The following ARID1A variants were observed in gnomAD, a reference collection of about 807,000 sequenced individuals.
The protein encoded by ARID1A is AT-rich interaction domain 1A.
Under a neutral mutation model 212.6 loss-of-function variants are expected in ARID1A, and 20 were observed. The observed-to-expected ratio is 0.09, with a 90% CI of 0.07 to 0.14. The LOEUF (loss-of-function observed/expected upper bound fraction) is 0.14, where lower values mean the gene tolerates loss of function less well. ARID1A is among the 10% of genes least tolerant of loss of function. The probability of loss-of-function intolerance (pLI) is 1.00; values close to 1 mark genes in which losing one functional copy is unlikely to be tolerated. For synonymous variants in ARID1A, 1,376 were observed against 1,222.1 expected, an observed-to-expected ratio of 1.13 and a Z score of -2.63; for missense variants, 2,587 against 3,059.0, an observed-to-expected ratio of 0.85 and a Z score of 3.64.
intron 19 of ARID1A, among the ~76,000 whole-genome samples, chr1:26,776,276 ATTCTTTTTT>A (rs2081134731): frequency 6.8e-6 from 1 of 147,452 alleles, no homozygotes; most frequent in Non-Finnish European, 1.5e-5. Flanking sequence ...GTTTAACAAT[ATTCTTTTTT>A]TTTTTTTTTT....
At chr1:26,770,962 C>T (rs1474601312) in intron 11 of ARID1A, 157 bp from the exon 12 acceptor site, 1 of 656,154 alleles carries the variant, frequency 1.5e-6, no homozygotes, top group African/African-American at 1.8e-5. Context: ...TTTAACACTT[C>T]TTGTGGACTA....
At chr1:26,705,609 A>T (rs1435373082) in intron 1 of ARID1A, among the ~76,000 whole-genome samples, 1 of 152,122 alleles carries the variant, frequency 6.6e-6, no homozygotes, top group African/African-American at 2.4e-5. Flanking sequence ...ACCATAGTTA[A>T]CCTCCTATGG....
chr1:26,726,144 C>T (rs545227876), intron 1 of ARID1A, among the ~76,000 whole-genome samples: 8 of 150,620 alleles, frequency 5.3e-5, no homozygotes, highest in African/African-American at 1.9e-4. Flanking sequence ...GCATGAGTCA[C>T]TGCGCCCAGC....
rs1189316316 is a variant in ARID1A at position 26,781,370 on chromosome 1, GTAA to G, written c.*622_*624del. On this transcript the variant is annotated 3_prime_UTR_variant, in exon 20 of 20. Coordinates refer to ENST00000324856, the MANE Select transcript of ARID1A (RefSeq NM_006015.6). Reference sequence around the variant, plus strand: ...GTACACCTGATACTGTAAACATACTGTAATAATAATGTCTCACATGGAAACAGA... The same window carrying G: ...GTACACCTGATACTGTAAACATACTGTAATAATGTCTCACATGGAAACAGA... 1.7e-5 allele frequency: 4 copies of G among 232,156 alleles called. No homozygotes were observed. The highest frequency in any genetic ancestry group is 5.7e-5 in the Admixed American group (1 of 17,692). The allele number at this position is 232,156 out of a possible 1,614,324, so 14.4% of individuals were successfully genotyped here.
intron 19 of ARID1A, among the ~76,000 whole-genome samples, chr1:26,777,647 T>C (rs2081148948): frequency 6.6e-6 from 1 of 152,152 alleles, no homozygotes; most frequent in Non-Finnish European, 1.5e-5. Context: ...GTGTTGGGAT[T>C]ACTGGCTGGG....
intron 19 of ARID1A, chr1:26,778,205 A>C (rs945560140): frequency 3.9e-5 from 6 of 152,066 alleles, no homozygotes; most frequent in Non-Finnish European, 7.3e-5. Context: ...CGGAGGCTGC[A>C]GCCAACTGAG....
rs746893291 is a variant in ARID1A at position 26,779,122 on chromosome 1, A to G, written c.5224A>G (p.Arg1742Gly). Reference sequence around the variant, plus strand: ...GTATGAGGTGGGTGACCCAGGACAGAGAACGCTACTGGATCCTGGGAGGTT... The same window carrying G: ...GTATGAGGTGGGTGACCCAGGACAGGGAACGCTACTGGATCCTGGGAGGTT... ...KEYEVGDPGQ[R>G]TLLDPGRFSK... is the part of the protein sequence containing the mutation. Residue 1742 changes from arginine to glycine, a missense_variant, in exon 20 of 20, where the codon AGA (arginine) becomes GGA (glycine). Coordinates refer to ENST00000324856, the MANE Select transcript of ARID1A (RefSeq NM_006015.6). 1 of 1,567,722 alleles carries G rather than the reference A, an allele frequency of 6.4e-7. No individual in the cohort carries two copies. The highest frequency in any genetic ancestry group is 2.3e-5 in the East Asian group (1 of 44,380).
Position 26,780,511 on chromosome 1 carries a change from G to A in ARID1A, c.6613G>A (p.Ala2205Thr), listed in dbSNP as rs141992367. The A allele has an allele frequency of 2.3e-5, 37 of 1,614,038 alleles. No individual in the cohort carries two copies. The highest frequency in any genetic ancestry group is 4.0e-5 in the African/African-American group (3 of 74,920). The change falls in exon 20 of 20, where the codon GCC (alanine) becomes ACC (threonine). Residue 2205 changes from alanine to threonine, a missense_variant. This residue lies in a region of ARID1A where 168 missense variants were observed against 321.0 expected (regional missense o/e 0.52). Transcript: ENST00000324856. This position sits in a 1 kb window ranked among gnomAD's most constrained non-coding sequence, Gnocchi z 7.2. ...LLGFLEDSLA[A>T]TQFQQSQASL... ...GGGCTTCCTAGAGGACAGCCTTGCC[G>A]CCACACAGTTCCAGCAGAGCCAGGC... is the stretch of plus-strand genomic sequence containing the variant.
At chr1:26,747,580 C>T (rs1424595072) in intron 4 of ARID1A, among the ~76,000 whole-genome samples, 1 of 151,784 alleles carries the variant, frequency 6.6e-6, no homozygotes, top group Non-Finnish European at 1.5e-5. Context: ...TGGTGGCTTA[C>T]ACCTGTAATC....
chr1:26,738,285 G>A (rs1207189756), intron 4 of ARID1A, among the ~76,000 whole-genome samples: 4 of 151,780 alleles, frequency 2.6e-5, no homozygotes, highest in Admixed American at 1.3e-4. Context: ...GGCCTCCCAA[G>A]GTGCTGGGAT....
chr1:26,723,395 G>A (rs2080583797), intron 1 of ARID1A, among the ~76,000 whole-genome samples: 1 of 152,212 alleles, frequency 6.6e-6, no homozygotes, highest in African/African-American at 2.4e-5. Flanking sequence ...TGGAATCACA[G>A]GAAGCGGAGG....
rs79066395 is a variant in ARID1A, at chr1:26,752,543, C to T, written c.1921-8313C>T. Among the ~76,000 whole-genome samples, 18 of 152,314 alleles carry T rather than the reference C, an allele frequency of 1.2e-4. No individual in the cohort carries two copies. The East Asian group carries it at 3.5e-3, about 29-fold the overall frequency. On this transcript the variant is annotated intron_variant, in intron 4 of 19. Transcript: ENST00000324856. ...AGGTTTTATGAAAAGCCAAGTCTCC[C>T]AAAAACTTATTTGCCTTAAGTAATT...
chr1:26,761,875 C>G (rs558304857), intron 6 of ARID1A, among the ~76,000 whole-genome samples: 1 of 152,040 alleles, frequency 6.6e-6, no homozygotes, highest in Non-Finnish European at 1.5e-5. Context: ...ACTCAATGTT[C>G]GGTCTTCACT....
At chr1:26,744,939 A>G (rs981888251) in intron 4 of ARID1A, among the ~76,000 whole-genome samples, 2 of 151,994 alleles carry the variant, frequency 1.3e-5, no homozygotes, top group African/African-American at 4.8e-5. Context: ...TAAAGGCCTA[A>G]GGCTCCCCCC....
intron 4 of ARID1A, among the ~76,000 whole-genome samples, chr1:26,738,126 C>T (rs900947413): frequency 2.6e-5 from 4 of 151,626 alleles, no homozygotes; most frequent in Non-Finnish European, 4.4e-5. Flanking sequence ...CGGGTTCAAA[C>T]GATTCTCCTG....
intron 4 of ARID1A, among the ~76,000 whole-genome samples, chr1:26,760,183 C>G (rs1041974894): frequency 1.3e-5 from 2 of 152,132 alleles, no homozygotes; most frequent in African/African-American, 4.8e-5. Flanking sequence ...GAAGTTATGA[C>G]TGGGAAAGAA....
At chr1:26,730,963 A>G (rs185809503) in intron 2 of ARID1A, among the ~76,000 whole-genome samples, 189 bp from the exon 3 acceptor site, 6 of 152,278 alleles carry the variant, frequency 3.9e-5, no homozygotes, top group Non-Finnish European at 7.4e-5. Context: ...AAACCACCTA[A>G]AAACCCAGCT....
intron 1 of ARID1A, among the ~76,000 whole-genome samples, chr1:26,715,742 A>G (rs2080496350): frequency 6.6e-6 from 1 of 152,146 alleles, no homozygotes; most frequent in Non-Finnish European, 1.5e-5. Context: ...GGAGAGTGGC[A>G]CACGCCTATA....
chr1:26,744,896 G>C (rs2080822638), intron 4 of ARID1A, among the ~76,000 whole-genome samples: 1 of 151,850 alleles, frequency 6.6e-6, no homozygotes, highest in Non-Finnish European at 1.5e-5. Flanking sequence ...AAAAAGGGAA[G>C]AAGTGAAGGA....
Sources: gnomAD v4.1 joint callset for allele counts (sites outside exome capture counted in the v4.1 genomes callset) on GRCh38, gnomAD v4.1.1 for gene constraint, gnomAD v4.1.1 regional missense constraint, Gnocchi (gnomAD v3.1) non-coding constraint, MANE v1.5 for transcripts, NCBI Gene and HGNC (gene_info 2026-07-23, HGNC 2026-07-21) for gene names.